The following DDX10 variants were observed in gnomAD, a reference collection of about 807,000 sequenced individuals.
The protein encoded by DDX10 is DEAD-box helicase 10.
In DDX10, 74 loss-of-function variants were observed where a neutral mutation model predicts 104.3. That is an observed-to-expected ratio of 0.71 (90% CI 0.59 to 0.86). The LOEUF is 0.86. Among genes scored for constraint, DDX10 ranks in the 40% least tolerant of loss-of-function variants. DDX10 has a pLI of 0.00. For missense variants in DDX10, 952 were observed against 1,040.0 expected, an observed-to-expected ratio of 0.92 and a Z score of 1.16; for synonymous variants, 351 against 353.4, an observed-to-expected ratio of 0.99 and a Z score of 0.08.
intron 12 of DDX10, among the ~76,000 whole-genome samples, chr11:108,720,230 T>C (rs971195622): frequency 8.5e-5 from 13 of 152,254 alleles, no homozygotes; most frequent in Non-Finnish European, 1.5e-5. Flanking sequence ...GGGAGCAGTT[T>C]ATTATTTGTA....
rs1043475266 is a variant in DDX10, at chr11:108,846,796, A to G, written c.2247+5320A>G. The stretch of plus-strand genomic sequence containing the variant: ...ATTCCCTTATATATAAGAGATCTAA[A>G]GGTTCTAACTGGTTTAGAGTACAAA... On this transcript the variant is annotated intron_variant, in intron 15 of 17. Coordinates refer to ENST00000322536, the MANE Select transcript of DDX10 (RefSeq NM_004398.4). Among the ~76,000 whole-genome samples the G allele has an allele frequency of 3.3e-5, 5 of 149,616 alleles. No individual in the cohort carries two copies. In the Admixed American group the frequency reaches 3.4e-4, roughly 10 times the overall value.
chr11:108,887,074 A>G (rs1185882031), intron 16 of DDX10, among the ~76,000 whole-genome samples: 2 of 152,210 alleles, frequency 1.3e-5, no homozygotes, highest in African/African-American at 4.8e-5. Context: ...GAAATGGAAT[A>G]ATTAACTCCT....
chr11:108,863,817 G>A (rs896661079), intron 16 of DDX10, among the ~76,000 whole-genome samples: 3 of 145,140 alleles, frequency 2.1e-5, no homozygotes, highest in African/African-American at 7.9e-5. Context: ...AGAGAAAAAT[G>A]AGAGTGGATG....
chr11:108,931,007 C>G lies in DDX10; in HGVS notation c.2451-9239C>G, dbSNP rs749156616. On this transcript the variant is annotated intron_variant, in intron 17 of 17. Transcript: ENST00000322536. ...AACCTAACAGGGACCCAGAACCTCT[C>G]TTCCCTCCAACAACATTTGTCCCAG... Among the ~76,000 whole-genome samples, 26 of 152,190 alleles carry G rather than the reference C, an allele frequency of 1.7e-4. 1 individual carries two copies. Among genetic ancestry groups the G allele is most frequent in the Non-Finnish European group, 2.4e-4 (16 of 68,034 alleles).
chr11:108,886,203 G>A (rs1055100377), intron 16 of DDX10, among the ~76,000 whole-genome samples: 2 of 152,138 alleles, frequency 1.3e-5, no homozygotes, highest in South Asian at 4.1e-4. Context: ...TCTGTAGGTG[G>A]GAAGTAGCAT....
intron 13 of DDX10, among the ~76,000 whole-genome samples, chr11:108,754,780 G>A (rs1055064438): frequency 6.6e-6 from 1 of 151,964 alleles, no homozygotes; most frequent in Admixed American, 6.6e-5. Flanking sequence ...CTATGAGAAC[G>A]GAGAGCAAAC....
rs747107531 is a variant in DDX10, at chr11:108,688,955, C to T, written c.868C>T (p.Gln290Ter). The part of the protein sequence containing the change: ...AKYSTPATLE[Q>*]NYIVCELQQK... ...CACAAGCACCCCTGCCACTTTGGAA[C>T]AGAACTACATAGTCTGTGAGCTGCA... The change falls in exon 7 of 18, where the codon CAG becomes TAG. Residue 290 changes from glutamine to a stop codon, truncating the protein, a stop_gained. Transcript: ENST00000322536. LOFTEE classifies it high-confidence loss of function. 6.2e-7 allele frequency: 1 copy of T among 1,612,280 alleles called. No homozygotes were observed. The highest frequency in any genetic ancestry group is 2.2e-5 in the East Asian group (1 of 44,852).
intron 16 of DDX10, among the ~76,000 whole-genome samples, chr11:108,897,085 G>A (rs541952803): frequency 1.5e-4 from 23 of 152,022 alleles, no homozygotes; most frequent in Non-Finnish European, 3.2e-4. Context: ...TAAACTGAAG[G>A]TACCTTCCAA....
chr11:108,667,295 C>T (rs4369370), intron 1 of DDX10, among the ~76,000 whole-genome samples: 1 of 152,026 alleles, frequency 6.6e-6, no homozygotes, highest in African/African-American at 2.4e-5. Flanking sequence ...GGGCTTTGTC[C>T]CCTAGGCCTT....
chr11:108,894,795 A>G (rs931981545), intron 16 of DDX10, among the ~76,000 whole-genome samples: 1 of 152,014 alleles, frequency 6.6e-6, no homozygotes, highest in African/African-American at 2.4e-5. Flanking sequence ...TAAAATAGTT[A>G]TTATGAAATT....
At chr11:108,743,246 A>G (rs1404723742) in intron 13 of DDX10, among the ~76,000 whole-genome samples, 1 of 152,218 alleles carries the variant, frequency 6.6e-6, no homozygotes, top group Non-Finnish European at 1.5e-5. Flanking sequence ...AATAAATGTT[A>G]TCCATCGTAT....
At chr11:108,738,891 C>T (rs1334507094) in intron 13 of DDX10, among the ~76,000 whole-genome samples, 3 of 152,146 alleles carry the variant, frequency 2.0e-5, no homozygotes, top group Admixed American at 6.5e-5. Context: ...TCAAGTCCCA[C>T]AGGGGCCACA....
At chr11:108,686,462 A>G (rs1339031770) in intron 6 of DDX10, among the ~76,000 whole-genome samples, 1 of 152,150 alleles carries the variant, frequency 6.6e-6, no homozygotes, top group African/African-American at 2.4e-5. Context: ...TCTTTTCAGA[A>G]TGTTGTATAG....
At chr11:108,894,972 T>A (rs1051710866) in intron 16 of DDX10, among the ~76,000 whole-genome samples, 6 of 152,002 alleles carry the variant, frequency 3.9e-5, no homozygotes, top group Non-Finnish European at 7.4e-5. Context: ...GGATTTGTAG[T>A]TGGCATTTGC....
chr11:108,823,057 T>C (rs1019376508), intron 13 of DDX10, among the ~76,000 whole-genome samples: 3 of 152,240 alleles, frequency 2.0e-5, no homozygotes, highest in Non-Finnish European at 4.4e-5. Context: ...GAGTAGGTGA[T>C]GTTTCTCTAG....
intron 13 of DDX10, among the ~76,000 whole-genome samples, chr11:108,828,947 A>G (rs1235133462): frequency 6.6e-6 from 1 of 152,192 alleles, no homozygotes; most frequent in East Asian, 1.9e-4. Flanking sequence ...TACAGGCATG[A>G]GCCACTGTGC....
chr11:108,800,571 T>G (rs928521980), intron 13 of DDX10, among the ~76,000 whole-genome samples: 7 of 152,014 alleles, frequency 4.6e-5, no homozygotes, highest in African/African-American at 1.7e-4. Context: ...TAGAATAGAG[T>G]TAAAGCTCCT....
intron 13 of DDX10, among the ~76,000 whole-genome samples, chr11:108,784,222 T>C (rs1861754458): frequency 6.6e-6 from 1 of 152,224 alleles, no homozygotes; most frequent in South Asian, 2.1e-4. Flanking sequence ...CTTTGAGATA[T>C]CTCCAAACTG....
intron 16 of DDX10, among the ~76,000 whole-genome samples, chr11:108,853,398 A>G (rs1862821809): frequency 6.6e-6 from 1 of 152,252 alleles, no homozygotes. Flanking sequence ...ATTTCTGCAT[A>G]TATAAATGTA....
Sources: gnomAD v4.1 joint callset for allele counts (sites outside exome capture counted in the v4.1 genomes callset) on GRCh38, gnomAD v4.1.1 for gene constraint, MANE v1.5 for transcripts, NCBI Gene and HGNC (gene_info 2026-07-23, HGNC 2026-07-21) for gene names.